The following VNN1 variants were observed in gnomAD, a reference collection of about 807,000 sequenced individuals.
VNN1 encodes the protein pantetheinase.
VNN1 carries 29 observed loss-of-function variants against 41.9 expected under a neutral mutation model. That is an observed-to-expected ratio of 0.69 (90% confidence interval 0.52 to 0.94). VNN1 has a LOEUF of 0.94. Among genes scored for constraint, VNN1 ranks in the 40% least tolerant of loss-of-function variants. The pLI, the probability that VNN1 is intolerant of heterozygous loss-of-function variation, is 0.00. For synonymous variants in VNN1, 233 were observed against 224.4 expected (o/e 1.04, Z -0.34); for missense variants, 637 against 621.1 (o/e 1.03, Z -0.27).
intron 2 of VNN1, among the ~76,000 whole-genome samples, chr6:132,709,253 T>G (rs577835495): frequency 6.7e-6 from 1 of 148,174 alleles, no homozygotes; most frequent in South Asian, 2.3e-4. Flanking sequence ...TTTAAAACAT[T>G]TATTACCTCC....
At chr6:132,704,342 T>C (rs553368918) in intron 2 of VNN1, among the ~76,000 whole-genome samples, 14 of 151,980 alleles carry the variant, frequency 9.2e-5, no homozygotes, top group Non-Finnish European at 2.9e-5. Flanking sequence ...TTAAAAAAAA[T>C]TGAGATCATA....
chr6:132,684,548 T>G, intron 5 of VNN1, 43 bp from the exon 6 acceptor site: 3 of 1,603,986 alleles, frequency 1.9e-6, no homozygotes, highest in Non-Finnish European at 2.6e-6. Flanking sequence ...GAAAGTCATG[T>G]GGGATATGTG....
At chr6:132,683,734 T>C (rs1432067914) in intron 6 of VNN1, among the ~76,000 whole-genome samples, 1 of 152,094 alleles carries the variant, frequency 6.6e-6, no homozygotes, top group Non-Finnish European at 1.5e-5. Flanking sequence ...CTCCTCACCA[T>C]TCCATTGTCC....
In VNN1 at chr6:132,685,716, A is replaced by G. The variant is rs145213986; in HGVS notation, c.1189-1211T>C. ...GGACTGCTCTATACCTAGAGCTAGGAGTAAAGTTGTGGCAGTCAAAGGAAA... is the reference window on the plus strand; with the variant it reads ...GGACTGCTCTATACCTAGAGCTAGGGGTAAAGTTGTGGCAGTCAAAGGAAA... On this transcript the variant is annotated intron_variant, in intron 5 of 6. Transcript: ENST00000367928. Among the ~76,000 whole-genome samples the G allele has an allele frequency of 2.6e-3, 391 of 152,304 alleles. 2 individuals are homozygous for G. The highest frequency in any genetic ancestry group is 0.014 in the Middle Eastern group (4 of 294).
intron 2 of VNN1, among the ~76,000 whole-genome samples, chr6:132,702,635 A>G (rs1355895911): frequency 6.6e-6 from 1 of 152,208 alleles, no homozygotes; most frequent in Admixed American, 6.5e-5. Flanking sequence ...GAAAGGAGAC[A>G]GGAGCATAAA....
At chr6:132,691,312 C>T (rs544301977) in intron 5 of VNN1, among the ~76,000 whole-genome samples, 1 of 152,136 alleles carries the variant, frequency 6.6e-6, no homozygotes, top group South Asian at 2.1e-4. Flanking sequence ...GATTGTCAGA[C>T]TGTCAATAGG....
intron 2 of VNN1, among the ~76,000 whole-genome samples, chr6:132,706,249 T>C (rs1582777747): frequency 6.6e-6 from 1 of 152,066 alleles, no homozygotes; most frequent in African/African-American, 2.4e-5. Flanking sequence ...TACCTGACTT[T>C]AAATTATACT....
rs753960942 is a variant in VNN1 at position 132,711,706 on chromosome 6, T to C, written c.341+3A>G. On this transcript the variant is annotated splice_donor_region_variant and intron_variant, in intron 2 of 6. Coordinates refer to ENST00000367928, the MANE Select transcript of VNN1 (RefSeq NM_004666.3). ...GTGAATTTTTCACAAGTTGTTTCTT[T>C]ACCTGTTACGATTATTACAGGGGAT... 6.8e-6 allele frequency: 11 copies of C among 1,607,374 alleles called. No homozygotes were observed. In the South Asian group the frequency reaches 1.2e-4, roughly 18 times the overall value.
intron 2 of VNN1, 103 bp downstream of exon 2, chr6:132,711,606 C>T: frequency 3.7e-6 from 5 of 1,356,286 alleles, no homozygotes; most frequent in Non-Finnish European, 5.0e-6. Context: ...TATACTGAAA[C>T]TTAAGAATTG....
chr6:132,700,196 A>C (rs956996015), intron 2 of VNN1, among the ~76,000 whole-genome samples: 3 of 152,238 alleles, frequency 2.0e-5, no homozygotes, highest in Non-Finnish European at 4.4e-5. Context: ...GAAAACTGTC[A>C]GGGTGTTTTG....
Position 132,684,376 on chromosome 6 carries a change from C to A in VNN1, c.1318G>T (p.Val440Leu), listed in dbSNP as rs1228262419. 1 of 1,613,736 alleles carries A rather than the reference C, an allele frequency of 6.2e-7. No homozygotes were observed. The highest frequency in any genetic ancestry group is 8.5e-7 in the Non-Finnish European group (1 of 1,179,780). ...GCAAGCTGATTTTCACTCAGCAACA[C>A]CTCAGGAAAGACATACTGGGTTCCG... is the stretch of plus-strand genomic sequence containing the variant. ...TFGTQYVFPE[V>L]LLSENQLAPG... The change falls in exon 6 of 7, where the codon GTG becomes TTG. Residue 440 changes from valine (V) to leucine (L), a missense_variant. Coordinates refer to ENST00000367928, the MANE Select transcript of VNN1 (RefSeq NM_004666.3).
At chr6:132,686,283 C>A (rs930055991) in intron 5 of VNN1, among the ~76,000 whole-genome samples, 2 of 151,970 alleles carry the variant, frequency 1.3e-5, no homozygotes, top group African/African-American at 4.8e-5. Flanking sequence ...CCCATCTGTA[C>A]CAAAAATATA....
At chr6:132,699,263 T>G (rs1778417233) in intron 2 of VNN1, 1 of 250,120 alleles carries the variant, frequency 4.0e-6, no homozygotes, top group South Asian at 5.1e-5. Context: ...ACTCCACTAT[T>G]CACTCATTCA....
intron 5 of VNN1, among the ~76,000 whole-genome samples, chr6:132,691,336 T>A (rs1778281252): frequency 6.6e-6 from 1 of 151,984 alleles, no homozygotes; most frequent in Non-Finnish European, 1.5e-5. Flanking sequence ...CCCTGTTAAG[T>A]GAGATAAGAT....
At chr6:132,698,308 G>A (rs1778400973) in intron 2 of VNN1, among the ~76,000 whole-genome samples, 1 of 152,196 alleles carries the variant, frequency 6.6e-6, no homozygotes, top group African/African-American at 2.4e-5. Context: ...TTATCGGAAA[G>A]ATATTTACTA....
chr6:132,713,475 C>A (rs1195269594), intron 1 of VNN1, among the ~76,000 whole-genome samples: 1 of 152,148 alleles, frequency 6.6e-6, no homozygotes, highest in African/African-American at 2.4e-5. Flanking sequence ...TACATGAAGG[C>A]CACTAATACT....
chr6:132,682,870 T>A lies in VNN1; in HGVS notation c.*270A>T, dbSNP rs1344297106. Reference sequence around the variant, plus strand: ...TATGTTTTCTACCCGTAGTTTTTATTTCTTCTGCGTAAAAGATTTGTGATA... The same window carrying A: ...TATGTTTTCTACCCGTAGTTTTTATATCTTCTGCGTAAAAGATTTGTGATA... On this transcript the variant is annotated 3_prime_UTR_variant, in exon 7 of 7. Coordinates refer to ENST00000367928, the MANE Select transcript of VNN1 (RefSeq NM_004666.3). 4.6e-6 allele frequency: 1 copy of A among 217,124 alleles called. No individual in the cohort carries two copies. Among genetic ancestry groups the A allele is most frequent in the African/African-American group, 2.3e-5 (1 of 43,974 alleles). The allele number at this position is 217,124 out of a possible 1,614,324, so 13.4% of individuals were successfully genotyped here.
rs1778110521 is a variant in VNN1, at chr6:132,680,993, A to T, written c.*2147T>A. On this transcript the variant is annotated 3_prime_UTR_variant, in exon 7 of 7. Transcript: ENST00000367928. ...GAAAAGGAAAACAATCCTATTTTTT[A>T]AATTACATTGCAATATATACAGATA... Among the ~76,000 whole-genome samples the T allele has an allele frequency of 6.6e-6, 1 of 152,188 alleles. No individual in the cohort carries two copies. The highest frequency in any genetic ancestry group is 2.4e-5 in the African/African-American group (1 of 41,456).
intron 1 of VNN1, 28 bp downstream of exon 1, chr6:132,713,798 T>G (rs748474647): frequency 6.2e-7 from 1 of 1,610,530 alleles, no homozygotes; most frequent in South Asian, 1.1e-5. Flanking sequence ...TAGAATCCAG[T>G]ACACTGGAGA....
Sources: gnomAD v4.1 joint callset for allele counts (sites outside exome capture counted in the v4.1 genomes callset) on GRCh38, gnomAD v4.1.1 for gene constraint, MANE v1.5 for transcripts, NCBI Gene and HGNC (gene_info 2026-07-23, HGNC 2026-07-21) for gene names.